ARHGAP24: variants seen among roughly 807,000 people sequenced by gnomAD.
The protein encoded by ARHGAP24 is Rho GTPase activating protein 24, also known as rho GTPase-activating protein 24.
ARHGAP24 carries 50 observed loss-of-function variants against 76.4 expected under a neutral mutation model. That is an observed-to-expected ratio of 0.65 (90% CI 0.52 to 0.83). ARHGAP24 has a LOEUF of 0.83. ARHGAP24 is among the 40% of genes least tolerant of loss of function. The pLI, the probability that ARHGAP24 is intolerant of heterozygous loss-of-function variation, is 0.00. For missense variants in ARHGAP24, 930 were observed against 914.2 expected, an observed-to-expected ratio of 1.02 and a Z score of -0.22; for synonymous variants, 345 against 323.3, an observed-to-expected ratio of 1.07 and a Z score of -0.72.
At position 85,995,452 on chromosome 4, in the gene ARHGAP24, G is replaced by A. The variant is rs1293957615; in HGVS notation, c.1798G>A (p.Asp600Asn). ...DPVLDGPPQD[D>N]LSHPRDYESK... Reference sequence around the variant, plus strand: ...TGTTTTGGATGGGCCCCCGCAGGACGACCTTTCCCACCCCAGGGACTATGA... The same window carrying A: ...TGTTTTGGATGGGCCCCCGCAGGACAACCTTTCCCACCCCAGGGACTATGA... The change falls in exon 9 of 10, where the codon GAC (aspartate) becomes AAC (asparagine). Residue 600 changes from aspartate (D) to asparagine (N), a missense_variant. Transcript: ENST00000395184. 8 of 1,607,132 alleles carry A rather than the reference G, an allele frequency of 5.0e-6. No homozygotes were observed. The highest frequency in any genetic ancestry group is 3.3e-5 in the South Asian group (3 of 90,476).
chr4:85,830,864 C>T (rs762253943), intron 3 of ARHGAP24, among the ~76,000 whole-genome samples: 14 of 152,100 alleles, frequency 9.2e-5, no homozygotes, highest in Non-Finnish European at 1.9e-4. Flanking sequence ...GAGCAGATGG[C>T]AGCAGGTGAT....
chr4:85,595,832 A>T (rs554135096), intron 2 of ARHGAP24, among the ~76,000 whole-genome samples: 1 of 152,182 alleles, frequency 6.6e-6, no homozygotes, highest in Non-Finnish European at 1.5e-5. Flanking sequence ...TATGGTTATC[A>T]CCATAAGACT....
chr4:85,620,814 T>C (rs1720693185), intron 2 of ARHGAP24, among the ~76,000 whole-genome samples: 1 of 152,016 alleles, frequency 6.6e-6, no homozygotes, highest in Non-Finnish European at 1.5e-5. Flanking sequence ...GGGGTACATA[T>C]GCAAGTTTGT....
At chr4:85,622,248 T>TC (rs1303310257) in intron 2 of ARHGAP24, among the ~76,000 whole-genome samples, 1 of 35,386 alleles carries the variant, frequency 2.8e-5, no homozygotes, top group Non-Finnish European at 5.2e-5. Context: ...CCCTCCCCCC[T>TC]CCCCCCACCC....
chr4:85,524,503 G>A lies in ARHGAP24; in HGVS notation c.-20-46019G>A, dbSNP rs143172793. Reference sequence around the variant, plus strand: ...ACATGTGAACATATGATGACCCATGGCCATTCAAGATCTCTGATTCTCACA... The same window carrying A: ...ACATGTGAACATATGATGACCCATGACCATTCAAGATCTCTGATTCTCACA... On this transcript the variant is annotated intron_variant, in intron 1 of 9. Transcript: ENST00000395184. 2.8e-3 allele frequency among the ~76,000 whole-genome samples: 423 copies of A among 152,132 alleles called. 1 individual carries two copies. Among genetic ancestry groups the A allele is most frequent in the African/African-American group, 9.7e-3 (403 of 41,518 alleles).
At chr4:85,625,368 G>A (rs1428498955) in intron 2 of ARHGAP24, among the ~76,000 whole-genome samples, 1 of 152,182 alleles carries the variant, frequency 6.6e-6, no homozygotes, top group Admixed American at 6.5e-5. Flanking sequence ...CAGTTTCCAT[G>A]TAGTTGAGCG....
At chr4:85,683,107 T>TGGGGGGGGGGGGG (rs1310671945) in intron 2 of ARHGAP24, among the ~76,000 whole-genome samples, 9 of 12,840 alleles carry the variant, frequency 7.0e-4, no homozygotes, top group Admixed American at 1.9e-3. Flanking sequence ...TCTCTCAGTG[T>TGGGGGGGGGGGGG]GTGGGGGGGT....
chr4:85,715,133 A>G (rs1452070700), intron 2 of ARHGAP24, among the ~76,000 whole-genome samples: 1 of 152,142 alleles, frequency 6.6e-6, no homozygotes, highest in Admixed American at 6.6e-5. Context: ...GTCAAGAAAT[A>G]TCACTAATCA....
chr4:85,615,770 T>G (rs977073710), intron 2 of ARHGAP24, among the ~76,000 whole-genome samples: 2 of 152,198 alleles, frequency 1.3e-5, no homozygotes, highest in Non-Finnish European at 2.9e-5. Context: ...CCACAAGGGA[T>G]AAGTGGAAAT....
intron 4 of ARHGAP24, among the ~76,000 whole-genome samples, chr4:85,928,045 G>A (rs763391007): frequency 4.6e-5 from 7 of 152,254 alleles, no homozygotes; most frequent in South Asian, 4.1e-4. Flanking sequence ...CAAGGGAAAC[G>A]TGAAAAGTGT....
intron 5 of ARHGAP24, among the ~76,000 whole-genome samples, chr4:85,943,993 T>C (rs1737102463): frequency 6.6e-6 from 1 of 152,138 alleles, no homozygotes; most frequent in Admixed American, 6.6e-5. Context: ...GATTGCTGGG[T>C]CAAATAGTAT....
At chr4:85,510,411 C>G (rs1157157230) in intron 1 of ARHGAP24, among the ~76,000 whole-genome samples, 1 of 152,022 alleles carries the variant, frequency 6.6e-6, no homozygotes, top group African/African-American at 2.4e-5. Context: ...TACCACTCCC[C>G]TTTCTTTCAC....
At chr4:85,774,351 C>T (rs1727232199) in intron 3 of ARHGAP24, among the ~76,000 whole-genome samples, 1 of 151,952 alleles carries the variant, frequency 6.6e-6, no homozygotes, top group Non-Finnish European at 1.5e-5. Flanking sequence ...TATCTTTGAG[C>T]TCACCTCTCC....
chr4:85,796,290 G>GA (rs1462893404), intron 3 of ARHGAP24, among the ~76,000 whole-genome samples: 6 of 151,960 alleles, frequency 3.9e-5, no homozygotes, highest in Admixed American at 2.6e-4. Context: ...AAGTAGCTGA[G>GA]AAAAAAGTTT....
chr4:85,830,231 A>G (rs17011024), intron 3 of ARHGAP24, among the ~76,000 whole-genome samples: 27,311 of 152,102 alleles, frequency 0.18, 2,647 homozygotes, highest in South Asian at 0.23. Flanking sequence ...TACACCTTGG[A>G]CAAGGAAGCA....
chr4:85,867,022 T>C (rs181187431), intron 3 of ARHGAP24, among the ~76,000 whole-genome samples: 155 of 152,246 alleles, frequency 1.0e-3, no homozygotes, highest in African/African-American at 3.7e-3. Context: ...TGAGTGGTTC[T>C]GTATGTACTC....
At chr4:85,750,062 G>A (rs1373316820) in intron 3 of ARHGAP24, among the ~76,000 whole-genome samples, 1 of 152,072 alleles carries the variant, frequency 6.6e-6, no homozygotes, top group Non-Finnish European at 1.5e-5. Flanking sequence ...GCCTGGCACT[G>A]TTCTAGACTC....
At chr4:85,606,285 G>A (rs547141572) in intron 2 of ARHGAP24, among the ~76,000 whole-genome samples, 7 of 152,052 alleles carry the variant, frequency 4.6e-5, no homozygotes, top group African/African-American at 1.5e-4. Context: ...AGGCCAAGGC[G>A]GGCAGATCAT....
Position 85,570,515 on chromosome 4 carries a change from T to C in ARHGAP24, c.-20-7T>C, listed in dbSNP as rs1243770702. 37 of 1,613,080 alleles carry C rather than the reference T, an allele frequency of 2.3e-5. No individual in the cohort carries two copies. Among genetic ancestry groups the C allele is most frequent in the Non-Finnish European group, 3.1e-5 (37 of 1,179,542 alleles). ...ATTATTTTCCTTTCTTTTTGTTTGC[T>C]AACTAGGAAAGTCCATCAGCTTGAT... On this transcript the variant is annotated splice_region_variant and splice_polypyrimidine_tract_variant and intron_variant, in intron 1 of 9. Coordinates refer to ENST00000395184, the MANE Select transcript of ARHGAP24 (RefSeq NM_001025616.3).
Sources: allele counts gnomAD v4.1 joint callset (sites outside exome capture counted in the v4.1 genomes callset), GRCh38; gene constraint gnomAD v4.1.1; transcripts MANE v1.5; gene names NCBI Gene and HGNC (gene_info 2026-07-23, HGNC 2026-07-21).